Variants in MAP4K3 observed in about 807,000 individuals in gnomAD.
MAP4K3 encodes the protein mitogen-activated protein kinase kinase kinase kinase 3.
MAP4K3 carries 94 observed loss-of-function variants against 143.5 expected under a neutral mutation model. The observed-to-expected ratio is 0.65, with a 90% CI of 0.55 to 0.78. The LOEUF (loss-of-function observed/expected upper bound fraction) is 0.78, where lower values mean the gene tolerates loss of function less well. Ranked by LOEUF, MAP4K3 falls within the 30% of genes least tolerant of loss-of-function variation. The probability of loss-of-function intolerance (pLI) is 0.00; values close to 1 mark genes in which losing one functional copy is unlikely to be tolerated. For missense variants in MAP4K3, 1,077 were observed against 1,068.1 expected, an observed-to-expected ratio of 1.01 and a Z score of -0.12; for synonymous variants, 416 against 347.2, an observed-to-expected ratio of 1.20 and a Z score of -2.20.
chr2:39,300,155 T>A (rs987045256), intron 15 of MAP4K3, among the ~76,000 whole-genome samples: 12 of 152,276 alleles, frequency 7.9e-5, no homozygotes, highest in African/African-American at 2.9e-4. Flanking sequence ...GAAGTGAATA[T>A]GTGACAAAAA....
Position 39,356,346 on chromosome 2 carries a change from T to A in MAP4K3, c.155-7A>T. 6.6e-7 allele frequency: 1 copy of A among 1,509,740 alleles called. No homozygotes were observed. Among genetic ancestry groups the A allele is most frequent in the Non-Finnish European group, 9.1e-7 (1 of 1,096,554 alleles). 93.5% of individuals were successfully genotyped at this position (1,509,740 alleles called of 1,614,324 possible). A position where few individuals can be genotyped will look rare whatever the true frequency, so the allele number is the denominator to read the frequency against. On this transcript the variant is annotated splice_region_variant and splice_polypyrimidine_tract_variant and intron_variant, in intron 2 of 33. Coordinates refer to ENST00000263881, the MANE Select transcript of MAP4K3 (RefSeq NM_003618.4). ...ACAACTGCAAAGTCTTCTCCTGGAA[T>A]AAAAAACAAGCATGTTGAATATTTA...
intron 15 of MAP4K3, among the ~76,000 whole-genome samples, chr2:39,307,080 A>T (rs1408601478): frequency 6.6e-6 from 1 of 152,226 alleles, no homozygotes; most frequent in African/African-American, 2.4e-5. Context: ...AGATTAAAAA[A>T]TTTATATAAA....
At chr2:39,294,183 T>A (rs990672095) in intron 16 of MAP4K3, 1 of 152,192 alleles carries the variant, frequency 6.6e-6, no homozygotes, top group Non-Finnish European at 1.5e-5. Context: ...GTAGCACCTT[T>A]TAATTATTTT....
intron 1 of MAP4K3, among the ~76,000 whole-genome samples, chr2:39,426,886 G>C (rs1176597366): frequency 6.6e-6 from 1 of 151,954 alleles, no homozygotes; most frequent in Non-Finnish European, 1.5e-5. Flanking sequence ...GCTCTAAAGA[G>C]AAACAAGAAA....
chr2:39,357,808 T>C (rs528983719), intron 2 of MAP4K3, among the ~76,000 whole-genome samples: 4 of 152,362 alleles, frequency 2.6e-5, no homozygotes, highest in Non-Finnish European at 5.9e-5. Flanking sequence ...CTAGGTACTT[T>C]GGAAGTTCTG....
At chr2:39,389,027 A>T (rs756833780) in intron 1 of MAP4K3, among the ~76,000 whole-genome samples, 6 of 152,238 alleles carry the variant, frequency 3.9e-5, no homozygotes, top group Non-Finnish European at 8.8e-5. Flanking sequence ...AAAGATATAT[A>T]ACATTACAAT....
At chr2:39,269,803 T>C (rs1056728749) in intron 26 of MAP4K3, among the ~76,000 whole-genome samples, 1 of 152,230 alleles carries the variant, frequency 6.6e-6, no homozygotes, top group Non-Finnish European at 1.5e-5. Context: ...TAGAATATTC[T>C]GATTACGATT....
chr2:39,308,013 G>A lies in MAP4K3; in HGVS notation c.1057-8C>T. On this transcript the variant is annotated splice_polypyrimidine_tract_variant and splice_region_variant and intron_variant, in intron 14 of 33. Coordinates refer to ENST00000263881, the MANE Select transcript of MAP4K3 (RefSeq NM_003618.4). ...AAAACCATCACTGTCGGGCTGTTTA[G>A]CAGAGACCAAGAAACCCAAGTTATT... 6.3e-7 allele frequency: 1 copy of A among 1,589,064 alleles called. No individual in the cohort carries two copies. Among genetic ancestry groups the A allele is most frequent in the South Asian group, 1.2e-5 (1 of 86,250 alleles).
chr2:39,343,403 G>T lies in MAP4K3; in HGVS notation c.295C>A (p.Gln99Lys). Reference protein sequence around the residue: ...CMEFCGGGSLQDIYHVTGPLS... With the variant: ...CMEFCGGGSLKDIYHVTGPLS... ...TTGGTCTTACCGTGATAAATATCCT[G>T]TAAAGAACCACCTCCACAAAACTCC... The change falls in exon 4 of 34, where the codon CAG (glutamine) becomes AAG (lysine). Residue 99 changes from glutamine to lysine, a missense_variant. Gln to Lys is a moderately conservative substitution (Grantham distance 53, BLOSUM62 1). This residue lies in a region of MAP4K3 where 213 missense variants were observed against 266.8 expected (regional missense o/e 0.80). Coordinates refer to ENST00000263881, the MANE Select transcript of MAP4K3 (RefSeq NM_003618.4). The T allele has an allele frequency of 6.2e-7, 1 of 1,612,670 alleles. No individual in the cohort carries two copies. Among genetic ancestry groups the T allele is most frequent in the South Asian group, 1.1e-5 (1 of 90,946 alleles).
chr2:39,425,393 C>T (rs1276380734), intron 1 of MAP4K3, among the ~76,000 whole-genome samples: 2 of 152,204 alleles, frequency 1.3e-5, no homozygotes, highest in Non-Finnish European at 2.9e-5. Flanking sequence ...CAATCTGCTA[C>T]GGACTGAACT....
chr2:39,387,303 A>G (rs1361816843), intron 1 of MAP4K3, among the ~76,000 whole-genome samples: 2 of 152,154 alleles, frequency 1.3e-5, no homozygotes, highest in African/African-American at 4.8e-5. Flanking sequence ...AGTACATTAA[A>G]TCTATAGATC....
At chr2:39,358,203 C>T (rs1377450557) in intron 2 of MAP4K3, among the ~76,000 whole-genome samples, 1 of 152,188 alleles carries the variant, frequency 6.6e-6, no homozygotes, top group Non-Finnish European at 1.5e-5. Flanking sequence ...ATCATAACTT[C>T]TACAGTGATC....
chr2:39,302,498 G>A (rs1288491112), intron 15 of MAP4K3, among the ~76,000 whole-genome samples: 1 of 152,114 alleles, frequency 6.6e-6, no homozygotes, highest in Admixed American at 6.5e-5. Flanking sequence ...TGAAACCAGG[G>A]CAAAGTTAGT....
intron 1 of MAP4K3, among the ~76,000 whole-genome samples, chr2:39,396,536 A>G (rs1666811038): frequency 6.7e-6 from 1 of 148,374 alleles, no homozygotes; most frequent in Non-Finnish European, 1.5e-5. Flanking sequence ...CTGGAGTGCA[A>G]TGGCTTGGCT....
intron 2 of MAP4K3, among the ~76,000 whole-genome samples, chr2:39,370,482 C>A (rs1244182587): frequency 6.6e-6 from 1 of 152,146 alleles, no homozygotes; most frequent in African/African-American, 2.4e-5. Flanking sequence ...AGCACCTCTA[C>A]TACCTCTCAG....
At position 39,370,480 on chromosome 2, in the gene MAP4K3, T is replaced by C. The variant is rs149515186; in HGVS notation, c.154+7586A>G. On this transcript the variant is annotated intron_variant, in intron 2 of 33. Transcript: ENST00000263881. ...AAGATAAGGAGGCAGAAAGCACCTCTACTACCTCTCAGGAAAGAAAAAACT... is the reference window on the plus strand; with the variant it reads ...AAGATAAGGAGGCAGAAAGCACCTCCACTACCTCTCAGGAAAGAAAAAACT... 6.0e-3 allele frequency among the ~76,000 whole-genome samples: 917 copies of C among 152,304 alleles called. 9 individuals are homozygous for C. Among genetic ancestry groups the C allele is most frequent in the African/African-American group, 0.021 (879 of 41,568 alleles).
At chr2:39,257,872 T>G (rs185673994) in intron 31 of MAP4K3, among the ~76,000 whole-genome samples, 3 of 152,136 alleles carry the variant, frequency 2.0e-5, no homozygotes, top group Admixed American at 2.0e-4. Flanking sequence ...GTTATTAAAC[T>G]ATTTTAGAAA....
chr2:39,319,393 C>A (rs1683227085), intron 12 of MAP4K3, among the ~76,000 whole-genome samples: 1 of 152,064 alleles, frequency 6.6e-6, no homozygotes. Flanking sequence ...AAGTCCACTT[C>A]TATGCAGATT....
At chr2:39,396,452 C>A (rs1200393572) in intron 1 of MAP4K3, among the ~76,000 whole-genome samples, 1 of 150,500 alleles carries the variant, frequency 6.6e-6, no homozygotes, top group Non-Finnish European at 1.5e-5. Flanking sequence ...TTACTCAAGA[C>A]AATGTGCTTT....
Sources: gnomAD v4.1 joint callset for allele counts (sites outside exome capture counted in the v4.1 genomes callset) on GRCh38, gnomAD v4.1.1 for gene constraint, gnomAD v4.1.1 regional missense constraint, MANE v1.5 for transcripts, NCBI Gene and HGNC (gene_info 2026-07-23, HGNC 2026-07-21) for gene names.